PDE4D: variants seen among roughly 807,000 people sequenced by gnomAD.
PDE4D encodes the protein phosphodiesterase 4D.
Under a neutral mutation model 87.4 loss-of-function variants are expected in PDE4D, and 24 were observed. The observed-to-expected ratio is 0.27, with a 90% CI of 0.20 to 0.39. The LOEUF (loss-of-function observed/expected upper bound fraction) is 0.39. Among genes scored for constraint, PDE4D ranks in the 10% least tolerant of loss-of-function variants. The probability of loss-of-function intolerance (pLI) is 1.00; values close to 1 mark genes in which losing one functional copy is unlikely to be tolerated. For missense variants in PDE4D, 714 were observed against 1,041.0 expected (o/e 0.69, Z 4.32); for synonymous variants, 384 against 383.2 (o/e 1.00, Z -0.02).
intron 1 of PDE4D, among the ~76,000 whole-genome samples, chr5:60,320,174 G>A (rs975699315): frequency 6.6e-6 from 1 of 152,196 alleles, no homozygotes; most frequent in African/African-American, 2.4e-5. Flanking sequence ...CTCAAGCCTG[G>A]GCAATGGCGG....
At chr5:60,512,391 G>T (rs528018934) in intron 1 of PDE4D, among the ~76,000 whole-genome samples, 140 of 152,050 alleles carry the variant, frequency 9.2e-4, no homozygotes, top group African/African-American at 3.2e-3. Context: ...TAAAACAAAG[G>T]TCTCTATTTT....
chr5:60,228,532 C>T (rs1317388894), intron 1 of PDE4D, among the ~76,000 whole-genome samples: 2 of 152,148 alleles, frequency 1.3e-5, no homozygotes, highest in Admixed American at 6.6e-5. Flanking sequence ...TCCCAGCATT[C>T]ACATCCTTGT....
chr5:60,053,219 G>A lies in PDE4D; in HGVS notation c.43-64502C>T, dbSNP rs182235133. Among the ~76,000 whole-genome samples, 112 of 152,220 alleles carry A rather than the reference G, an allele frequency of 7.4e-4. 1 individual carries two copies. Among genetic ancestry groups the A allele is most frequent in the Non-Finnish European group, 1.2e-3 (79 of 68,008 alleles). On this transcript the variant is annotated intron_variant, in intron 2 of 16. Coordinates refer to the PDE4D transcript ENST00000502484. The stretch of plus-strand genomic sequence containing the variant: ...AAATTTCATACAGAACCAAAAAAGA[G>A]CCCACATTGCCAAGACAATCCTAAG...
chr5:59,831,007 T>C (rs1027482831), intron 1 of PDE4D, among the ~76,000 whole-genome samples: 6 of 151,986 alleles, frequency 3.9e-5, no homozygotes, highest in African/African-American at 1.4e-4. Flanking sequence ...GGGACAGTAA[T>C]GGTTTGACTA....
At chr5:59,304,701 T>C (rs13359998) in intron 1 of PDE4D, among the ~76,000 whole-genome samples, 19,891 of 152,198 alleles carry the variant, frequency 0.13, 1,399 homozygotes, top group East Asian at 0.21. Context: ...ATCACATTTA[T>C]TGACTTGTGT....
intron 2 of PDE4D, among the ~76,000 whole-genome samples, chr5:60,015,620 T>C (rs926141221): frequency 6.6e-6 from 1 of 152,200 alleles, no homozygotes; most frequent in Non-Finnish European, 1.5e-5. Context: ...AACATATCTA[T>C]ATTGCCGTGA....
intron 1 of PDE4D, among the ~76,000 whole-genome samples, chr5:60,363,053 C>A (rs551667738): frequency 7.2e-5 from 11 of 152,144 alleles, no homozygotes; most frequent in Admixed American, 2.0e-4. Context: ...GTTTTCCCTT[C>A]TTTCTATTGG....
At chr5:59,613,105 G>A (rs938156891) in intron 1 of PDE4D, among the ~76,000 whole-genome samples, 18 of 152,290 alleles carry the variant, frequency 1.2e-4, no homozygotes, top group South Asian at 4.1e-4. Flanking sequence ...CAGCAACACA[G>A]GTGGGAAAGT....
At chr5:60,423,008 T>C (rs940679184) in intron 1 of PDE4D, among the ~76,000 whole-genome samples, 9 of 152,152 alleles carry the variant, frequency 5.9e-5, no homozygotes, top group Middle Eastern at 3.2e-3. Context: ...CCTAAATATA[T>C]ATGTACCCAA....
At chr5:59,813,053 C>A (rs967821466) in intron 1 of PDE4D, among the ~76,000 whole-genome samples, 8 of 152,148 alleles carry the variant, frequency 5.3e-5, no homozygotes, top group African/African-American at 1.9e-4. Context: ...TATTTTTTCT[C>A]ATTTGTTTCT....
At chr5:59,440,905 G>T (rs1797522002) in intron 1 of PDE4D, among the ~76,000 whole-genome samples, 3 of 152,206 alleles carry the variant, frequency 2.0e-5, no homozygotes, top group Admixed American at 2.0e-4. Context: ...CTGGCATGAG[G>T]AGCCCTGCTT....
chr5:60,469,640 G>T (rs1193618720), intron 1 of PDE4D, among the ~76,000 whole-genome samples: 1 of 151,988 alleles, frequency 6.6e-6, no homozygotes, highest in African/African-American at 2.4e-5. Flanking sequence ...GTCACATTTT[G>T]GTAATTCTTA....
intron 1 of PDE4D, among the ~76,000 whole-genome samples, chr5:60,219,987 A>C (rs1376991964): frequency 1.3e-5 from 2 of 152,202 alleles, no homozygotes; most frequent in Non-Finnish European, 2.9e-5. Context: ...CAAAGTTTGC[A>C]TATTGGCTAC....
intron 1 of PDE4D, among the ~76,000 whole-genome samples, chr5:59,562,084 A>G (rs770349819): frequency 1.7e-4 from 26 of 152,182 alleles, no homozygotes; most frequent in Non-Finnish European, 2.9e-5. Context: ...ATATGTCAAT[A>G]AATGTTTAGA....
rs116579155 is a variant in PDE4D at position 59,571,373 on chromosome 5, A to G, written c.455+321795T>C. On this transcript the variant is annotated intron_variant, in intron 1 of 14. Transcript: ENST00000340635. ...TTTCTTGAATCTTTTGCTTGTCTTG[A>G]TTGACGCTCTGAAGAAGCCAAGGAT... Among the ~76,000 whole-genome samples, 828 of 152,252 alleles carry G rather than the reference A, an allele frequency of 5.4e-3. 4 individuals carry two copies. The highest frequency in any genetic ancestry group is 0.01 in the Middle Eastern group (3 of 294).
At chr5:60,343,400 C>G (rs757962351) in intron 1 of PDE4D, among the ~76,000 whole-genome samples, 2 of 152,126 alleles carry the variant, frequency 1.3e-5, no homozygotes, top group Non-Finnish European at 2.9e-5. Context: ...CTGTAAAGTA[C>G]ATTCACAAAG....
chr5:60,097,035 G>A (rs962486002), intron 2 of PDE4D, among the ~76,000 whole-genome samples: 1 of 151,992 alleles, frequency 6.6e-6, no homozygotes, highest in Non-Finnish European at 1.5e-5. Context: ...CAAGCATTTA[G>A]AAGTGTGAAT....
At chr5:60,237,487 T>C (rs1034940771) in intron 1 of PDE4D, among the ~76,000 whole-genome samples, 1 of 152,010 alleles carries the variant, frequency 6.6e-6, no homozygotes, top group Non-Finnish European at 1.5e-5. Flanking sequence ...TCAAAGACAT[T>C]ATGCTGTGTA....
rs566424381 is a variant in PDE4D at position 59,444,624 on chromosome 5, A to G, written c.456-228656T>C. 1.3e-4 allele frequency among the ~76,000 whole-genome samples: 20 copies of G among 152,232 alleles called. No homozygotes were observed. The East Asian group carries it at 3.5e-3, about 27-fold the overall frequency. On this transcript the variant is annotated intron_variant, in intron 1 of 14. Coordinates refer to ENST00000340635, the MANE Select transcript of PDE4D (RefSeq NM_001104631.2). ...TCAGGAGAACGAGACCATCCTGGCT[A>G]ACACGGTGAAACCCCGTCTCTACTA...
Sources: gnomAD v4.1 joint callset for allele counts (sites outside exome capture counted in the v4.1 genomes callset) on GRCh38, gnomAD v4.1.1 for gene constraint, MANE v1.5 for transcripts, NCBI Gene and HGNC (gene_info 2026-07-23, HGNC 2026-07-21) for gene names.